Variants in RBM6 observed in about 807,000 individuals in gnomAD.
RBM6 encodes the protein RNA-binding protein 6.
A neutral mutation model predicts 140.4 loss-of-function variants in RBM6; 23 were observed. The ratio of observed to expected loss-of-function variants is 0.16; its 90% CI spans 0.12 to 0.23. The LOEUF is 0.23. Among genes scored for constraint, RBM6 ranks in the 10% least tolerant of loss-of-function variants. RBM6 has a pLI of 1.00. For synonymous variants in RBM6, 439 were observed against 475.6 expected (o/e 0.92, Z 1.00); for missense variants, 1,139 against 1,386.7 (o/e 0.82, Z 2.84).
intron 19 of RBM6, among the ~76,000 whole-genome samples, chr3:50,070,916 G>A (rs2108949977): frequency 6.6e-6 from 1 of 152,168 alleles, no homozygotes; most frequent in East Asian, 1.9e-4. Context: ...TAAATAAATG[G>A]TTGGCTGCTG....
At chr3:49,970,023 C>T (rs771041947) in intron 3 of RBM6, among the ~76,000 whole-genome samples, 5 of 152,082 alleles carry the variant, frequency 3.3e-5, no homozygotes, top group Non-Finnish European at 7.3e-5. Context: ...TCACAGCAAC[C>T]TCCGCCTCCC....
intron 1 of RBM6, among the ~76,000 whole-genome samples, chr3:49,948,603 T>C (rs1281384928): frequency 6.6e-6 from 1 of 151,470 alleles, no homozygotes; most frequent in African/African-American, 2.4e-5. Flanking sequence ...TCCCAGCTAC[T>C]TGGGAGGCTG....
chr3:50,058,553 C>G lies in RBM6; in HGVS notation c.2121C>G (p.Asp707Glu). The change falls in exon 10 of 21, where the codon GAC becomes GAG. Residue 707 changes from aspartate to glutamate, a missense_variant. Coordinates refer to ENST00000266022, the MANE Select transcript of RBM6 (RefSeq NM_005777.3). ...MGHTYGFIDL[D>E]SHAEALRVVK... is the part of the protein sequence containing the mutation. Reference sequence around the variant, plus strand: ...ATACCTATGGCTTTATTGACCTCGACTCCCATGCGGTGAGTTTCCTCCACC... The same window carrying G: ...ATACCTATGGCTTTATTGACCTCGAGTCCCATGCGGTGAGTTTCCTCCACC... 6.2e-7 allele frequency: 1 copy of G among 1,607,218 alleles called. No individual in the cohort carries two copies.
At chr3:50,022,423 C>G (rs1398575545) in intron 6 of RBM6, among the ~76,000 whole-genome samples, 1 of 151,828 alleles carries the variant, frequency 6.6e-6, no homozygotes, top group Non-Finnish European at 1.5e-5. Flanking sequence ...CTCTGCCTCC[C>G]GGGTTCAAGT....
At chr3:49,974,208 A>G (rs939309102) in intron 4 of RBM6, among the ~76,000 whole-genome samples, 1 of 150,874 alleles carries the variant, frequency 6.6e-6, no homozygotes, top group Non-Finnish European at 1.5e-5. Flanking sequence ...TGCTTTTCCT[A>G]TGTACCTGAG....
chr3:49,958,278 G>A (rs538758659), intron 1 of RBM6, among the ~76,000 whole-genome samples: 7 of 151,926 alleles, frequency 4.6e-5, no homozygotes, highest in African/African-American at 7.2e-5. Flanking sequence ...ACAAAAGGCC[G>A]GGTGCGGTGG....
intron 19 of RBM6, among the ~76,000 whole-genome samples, chr3:50,071,580 G>T (rs1168278777): frequency 6.6e-6 from 1 of 152,174 alleles, no homozygotes; most frequent in East Asian, 1.9e-4. Flanking sequence ...GATCTCTTGA[G>T]CCTAGGAGTT....
At position 50,046,366 on chromosome 3, in the gene RBM6, G is replaced by A. The variant is rs182845923; in HGVS notation, c.1558-1879G>A. Among the ~76,000 whole-genome samples the A allele has an allele frequency of 7.0e-3, 1,059 of 151,746 alleles. 15 individuals carry two copies. The highest frequency in any genetic ancestry group is 0.024 in the African/African-American group (1,008 of 41,352). On this transcript the variant is annotated intron_variant, in intron 6 of 20. Transcript: ENST00000266022. ...AGGCCGAGGTGGGCGGATTACCTAA[G>A]GTTGGGAATTCGAGACCAGCCTGAC... is the stretch of plus-strand genomic sequence containing the variant.
At chr3:50,005,257 C>G (rs4688688) in intron 6 of RBM6, among the ~76,000 whole-genome samples, 131,521 of 152,130 alleles carry the variant, frequency 0.86, 57,214 homozygotes, top group African/African-American at 0.96. Flanking sequence ...AGCACTTTTG[C>G]AGGCTGTGAC....
At chr3:49,974,547 A>AT (rs1416558738) in intron 4 of RBM6, among the ~76,000 whole-genome samples, 1 of 146,674 alleles carries the variant, frequency 6.8e-6, no homozygotes, top group Non-Finnish European at 1.5e-5. Flanking sequence ...AATTTCTTGT[A>AT]TTTTTTAGTA....
chr3:50,018,826 T>C (rs2087326056), intron 6 of RBM6, among the ~76,000 whole-genome samples: 1 of 151,966 alleles, frequency 6.6e-6, no homozygotes, highest in African/African-American at 2.4e-5. Context: ...TGTGACCTCG[T>C]GATTCGTCCA....
chr3:50,022,003 A>G (rs564636825), intron 6 of RBM6, among the ~76,000 whole-genome samples: 2 of 151,976 alleles, frequency 1.3e-5, no homozygotes, highest in South Asian at 4.2e-4. Context: ...TGACTGACCC[A>G]TGACCATGCC....
chr3:50,043,397 C>T (rs1206236754), intron 6 of RBM6, among the ~76,000 whole-genome samples: 2 of 151,162 alleles, frequency 1.3e-5, no homozygotes, highest in Non-Finnish European at 2.9e-5. Flanking sequence ...ACAGGAGAAT[C>T]GCTTGAACCT....
chr3:50,044,610 C>T lies in RBM6; in HGVS notation c.1558-3635C>T, dbSNP rs1318162880. 2.0e-5 allele frequency among the ~76,000 whole-genome samples: 3 copies of T among 151,906 alleles called. No individual in the cohort carries two copies. In the East Asian group the frequency reaches 5.8e-4, roughly 29 times the overall value. On this transcript the variant is annotated intron_variant, in intron 6 of 20. Coordinates refer to ENST00000266022, the MANE Select transcript of RBM6 (RefSeq NM_005777.3). ...AAAAAAAAAAAAGAATGGACATCTACTGAAGGTGATTGCATCATCCTACCC... is the reference window on the plus strand; with the variant it reads ...AAAAAAAAAAAAGAATGGACATCTATTGAAGGTGATTGCATCATCCTACCC...
intron 17 of RBM6, 83 bp downstream of exon 17, chr3:50,066,585 T>C (rs2108937215): frequency 2.6e-6 from 4 of 1,510,548 alleles, no homozygotes; most frequent in Non-Finnish European, 3.6e-6. Context: ...CCTAGCACTT[T>C]GGGAGGCCGA....
intron 2 of RBM6, among the ~76,000 whole-genome samples, chr3:49,964,919 A>G (rs923055825): frequency 6.6e-6 from 1 of 152,198 alleles, no homozygotes; most frequent in African/African-American, 2.4e-5. Flanking sequence ...AAGTCATTAT[A>G]TGCTGTTTTT....
At chr3:49,955,441 A>G (rs1258536534) in intron 1 of RBM6, among the ~76,000 whole-genome samples, 1 of 151,896 alleles carries the variant, frequency 6.6e-6, no homozygotes, top group Non-Finnish European at 1.5e-5. Flanking sequence ...CTTGTTGCCC[A>G]GGCTGGAGTG....
chr3:49,964,099 GT>G (rs1034972063), intron 2 of RBM6, among the ~76,000 whole-genome samples: 2 of 151,718 alleles, frequency 1.3e-5, no homozygotes, highest in African/African-American at 4.8e-5. Flanking sequence ...TAGAGATGGC[GT>G]TTCACCATGT....
intron 6 of RBM6, 125 bp from the exon 7 acceptor site, chr3:50,048,120 A>C (rs2089301412): frequency 6.8e-7 from 1 of 1,467,656 alleles, no homozygotes; most frequent in African/African-American, 1.4e-5. Flanking sequence ...TCCTTTCACC[A>C]GTGAATTAAG....
Sources: gnomAD v4.1 joint callset for allele counts (sites outside exome capture counted in the v4.1 genomes callset) on GRCh38, gnomAD v4.1.1 for gene constraint, MANE v1.5 for transcripts, NCBI Gene and HGNC (gene_info 2026-07-23, HGNC 2026-07-21) for gene names.